The following RFX4 variants were observed in gnomAD, a reference collection of about 807,000 sequenced individuals.
RFX4 encodes the protein regulatory factor X4.
Under a neutral mutation model 95.0 loss-of-function variants are expected in RFX4, and 10 were observed. The ratio of observed to expected loss-of-function variants is 0.11; its 90% CI spans 0.06 to 0.18. The LOEUF (loss-of-function observed/expected upper bound fraction) is 0.18. Ranked by LOEUF, RFX4 falls within the 10% of genes least tolerant of loss-of-function variation. The pLI is 1.00. For missense variants in RFX4, 640 were observed against 922.0 expected, an observed-to-expected ratio of 0.69 and a Z score of 3.96; for synonymous variants, 321 against 340.7, an observed-to-expected ratio of 0.94 and a Z score of 0.64.
intron 15 of RFX4, among the ~76,000 whole-genome samples, chr12:106,742,394 G>A (rs1566002913): frequency 6.6e-6 from 1 of 152,076 alleles, no homozygotes; most frequent in African/African-American, 2.4e-5. Context: ...TGTTGCCTAG[G>A]CTGGTCTCAA....
At chr12:106,627,993 C>T (rs1248071288) in intron 2 of RFX4, among the ~76,000 whole-genome samples, 2 of 152,228 alleles carry the variant, frequency 1.3e-5, no homozygotes, top group African/African-American at 4.8e-5. Flanking sequence ...GGATTGCCCC[C>T]ATGGGGTGTC....
At position 106,586,779 on chromosome 12, in the gene RFX4, T is replaced by A. The variant is rs1221183711; in HGVS notation, c.43+3416T>A. ...TGCCTTTGTGGGCCCGGGGTAGGGA[T>A]GTCCAGTGGCCTTGGCGCCGTGCCC... On this transcript the variant is annotated intron_variant, in intron 1 of 17. Coordinates refer to ENST00000392842, the MANE Select transcript of RFX4 (RefSeq NM_213594.3). This position sits in a 1 kb window ranked among gnomAD's most constrained non-coding sequence, Gnocchi z 5.6. Among the ~76,000 whole-genome samples, 1 of 152,212 alleles carries A rather than the reference T, an allele frequency of 6.6e-6. No individual in the cohort carries two copies. Among genetic ancestry groups the A allele is most frequent in the Non-Finnish European group, 1.5e-5 (1 of 68,030 alleles).
intron 17 of RFX4, among the ~76,000 whole-genome samples, chr12:106,754,475 A>G (rs963797729): frequency 2.0e-5 from 3 of 152,222 alleles, no homozygotes; most frequent in African/African-American, 7.2e-5. Flanking sequence ...GGTAGAGCTT[A>G]TGCTCCAGTG....
intron 17 of RFX4, among the ~76,000 whole-genome samples, chr12:106,751,790 T>G (rs1262472169): frequency 6.6e-6 from 1 of 152,160 alleles, no homozygotes; most frequent in African/African-American, 2.4e-5. Context: ...GGTTGTTCGT[T>G]TTTTTCTTGT....
At chr12:106,665,856 A>G (rs1244857632) in intron 4 of RFX4, among the ~76,000 whole-genome samples, 1 of 151,996 alleles carries the variant, frequency 6.6e-6, no homozygotes, top group Non-Finnish European at 1.5e-5. Flanking sequence ...ATTGATATAC[A>G]CATATAATCA....
intron 2 of RFX4, among the ~76,000 whole-genome samples, chr12:106,620,114 T>C (rs1484429246): frequency 6.6e-6 from 1 of 152,244 alleles, no homozygotes; most frequent in Non-Finnish European, 1.5e-5. Flanking sequence ...TATCTGGCTA[T>C]TTCTTGGATT....
At chr12:106,587,920 C>T (rs569049229) in intron 1 of RFX4, among the ~76,000 whole-genome samples, 6 of 152,266 alleles carry the variant, frequency 3.9e-5, no homozygotes, top group Admixed American at 1.3e-4. Flanking sequence ...GTGAGAAAGG[C>T]GCTGAGTCGT....
chr12:106,624,569 C>T (rs1040952268), intron 2 of RFX4, among the ~76,000 whole-genome samples: 8 of 152,174 alleles, frequency 5.3e-5, no homozygotes, highest in South Asian at 4.1e-4. Flanking sequence ...CCTCATAATC[C>T]GCCTGCCTCA....
chr12:106,746,573 C>A (rs2042899378), intron 15 of RFX4, among the ~76,000 whole-genome samples: 1 of 151,828 alleles, frequency 6.6e-6, no homozygotes. Context: ...AAATATTAAG[C>A]ATTTAATTTT....
At chr12:106,689,829 T>C (rs965476481) in intron 7 of RFX4, among the ~76,000 whole-genome samples, 4 of 152,202 alleles carry the variant, frequency 2.6e-5, no homozygotes, top group African/African-American at 9.7e-5. Flanking sequence ...TCCATAGATT[T>C]CCATCAAATC....
intron 17 of RFX4, among the ~76,000 whole-genome samples, chr12:106,756,179 C>G (rs995196869): frequency 6.6e-6 from 1 of 152,232 alleles, no homozygotes; most frequent in African/African-American, 2.4e-5. Context: ...AACATTGCAA[C>G]TGTGCTGCAC....
chr12:106,687,615 C>T lies in RFX4; in HGVS notation c.591+518C>T, dbSNP rs1377735750. On this transcript the variant is annotated intron_variant, in intron 6 of 17. Coordinates refer to ENST00000392842, the MANE Select transcript of RFX4 (RefSeq NM_213594.3). ...GACTATAGTTAATAACAATTTATCA[C>T]TATGAGTTTATTAGTTGTGACAAAT... Among the ~76,000 whole-genome samples the T allele has an allele frequency of 2.0e-5, 3 of 151,884 alleles. No homozygotes were observed. In the East Asian group the frequency reaches 5.8e-4, roughly 29 times the overall value.
intron 3 of RFX4, among the ~76,000 whole-genome samples, chr12:106,652,563 A>T (rs1421087622): frequency 6.6e-6 from 1 of 152,144 alleles, no homozygotes. Flanking sequence ...TCTTTCTGGG[A>T]ACATTTCTAA....
Position 106,756,998 on chromosome 12 carries a change from C to T in RFX4, c.1936-4199C>T, listed in dbSNP as rs1429500500. ...AAATGAATGAATGACTGGATTCTTA[C>T]TCTGGTACTAAGTTGCTGTGTGACT... On this transcript the variant is annotated intron_variant, in intron 17 of 17. Transcript: ENST00000392842. Among the ~76,000 whole-genome samples the T allele has an allele frequency of 2.6e-5, 4 of 152,148 alleles. 1 individual carries two copies. The highest frequency in any genetic ancestry group is 4.4e-5 in the Non-Finnish European group (3 of 68,032).
intron 9 of RFX4, among the ~76,000 whole-genome samples, chr12:106,710,314 T>A (rs1402446616): frequency 6.6e-6 from 1 of 152,196 alleles, no homozygotes; most frequent in African/African-American, 2.4e-5. Flanking sequence ...CTGCCTGCAG[T>A]GGCCATCACC....
intron 4 of RFX4, among the ~76,000 whole-genome samples, chr12:106,664,340 T>C (rs1188769048): frequency 6.6e-6 from 1 of 151,874 alleles, no homozygotes; most frequent in Non-Finnish European, 1.5e-5. Context: ...TCTGTGGGCA[T>C]AGAGTTATTT....
intron 2 of RFX4, among the ~76,000 whole-genome samples, chr12:106,612,664 C>T (rs2039986398): frequency 6.6e-6 from 1 of 152,062 alleles, no homozygotes; most frequent in South Asian, 2.1e-4. Flanking sequence ...ATGGCAAAAC[C>T]CCATCTCTAC....
At chr12:106,663,500 G>C (rs1008766608) in intron 4 of RFX4, among the ~76,000 whole-genome samples, 1 of 151,488 alleles carries the variant, frequency 6.6e-6, no homozygotes, top group Non-Finnish European at 1.5e-5. Context: ...TGTCATCTTT[G>C]AACAAAGAGT....
At chr12:106,626,201 C>A (rs1273452466) in intron 2 of RFX4, among the ~76,000 whole-genome samples, 1 of 152,224 alleles carries the variant, frequency 6.6e-6, no homozygotes, top group African/African-American at 2.4e-5. Flanking sequence ...CCCAGACTCA[C>A]TGAAACATGC....
Sources: allele counts gnomAD v4.1 joint callset (sites outside exome capture counted in the v4.1 genomes callset), GRCh38; gene constraint gnomAD v4.1.1; non-coding constraint Gnocchi (gnomAD v3.1); transcripts MANE v1.5; gene names NCBI Gene and HGNC (gene_info 2026-07-23, HGNC 2026-07-21).